KCTD1: variants seen among roughly 807,000 people sequenced by gnomAD.
KCTD1 encodes BTB/POZ domain-containing protein KCTD1.
KCTD1 carries 24 observed loss-of-function variants against 66.0 expected under a neutral mutation model. The ratio of observed to expected loss-of-function variants is 0.36; its 90% CI spans 0.26 to 0.51. KCTD1 has a LOEUF of 0.51. Among genes scored for constraint, KCTD1 ranks in the 20% least tolerant of loss-of-function variants. The probability of loss-of-function intolerance (pLI) is 0.95; values close to 1 mark genes in which losing one functional copy is unlikely to be tolerated. For missense variants in KCTD1, 943 were observed against 1,205.2 expected, an observed-to-expected ratio of 0.78 and a Z score of 3.22; for synonymous variants, 511 against 517.2, an observed-to-expected ratio of 0.99 and a Z score of 0.16.
chr18:26,486,498 C>T (rs936061970), intron 2 of KCTD1, among the ~76,000 whole-genome samples: 3 of 152,178 alleles, frequency 2.0e-5, no homozygotes, highest in African/African-American at 7.2e-5. Context: ...CCCAATGAAC[C>T]TAATCTGTGT....
chr18:26,590,570 A>G (rs1468783333), intron 1 of KCTD1, among the ~76,000 whole-genome samples: 2 of 152,154 alleles, frequency 1.3e-5, no homozygotes, highest in African/African-American at 4.8e-5. Context: ...CTTCTCTTAG[A>G]AAATATAAAC....
At chr18:26,656,343 A>G (rs1481335722) in intron 1 of KCTD1, among the ~76,000 whole-genome samples, 1 of 152,176 alleles carries the variant, frequency 6.6e-6, no homozygotes, top group East Asian at 1.9e-4. Flanking sequence ...CCGCCTCCCA[A>G]GGAGACTTCT....
chr18:26,490,906 C>T (rs1982164796), intron 2 of KCTD1, among the ~76,000 whole-genome samples: 1 of 151,984 alleles, frequency 6.6e-6, no homozygotes, highest in Non-Finnish European at 1.5e-5. Context: ...GTGCATGCTA[C>T]CATGCCCAGC....
chr18:26,543,274 C>G (rs751010065), intron 1 of KCTD1: 2 of 152,170 alleles, frequency 1.3e-5, no homozygotes, highest in African/African-American at 4.8e-5. Flanking sequence ...CTTTAAAAGG[C>G]AGTTAATCTT....
intron 2 of KCTD1, among the ~76,000 whole-genome samples, chr18:26,488,185 C>A (rs941621860): frequency 6.7e-6 from 1 of 149,346 alleles, no homozygotes; most frequent in Admixed American, 6.8e-5. Context: ...AATGGAACTT[C>A]ATTTTTTTTT....
At chr18:26,462,052 G>T (rs1980463299) in intron 3 of KCTD1, among the ~76,000 whole-genome samples, 1 of 152,222 alleles carries the variant, frequency 6.6e-6, no homozygotes, top group African/African-American at 2.4e-5. Context: ...CTTGGGGTTA[G>T]AAGTCCTCCC....
chr18:26,642,338 C>A (rs1987848889), upstream of KCTD1, among the ~76,000 whole-genome samples: 2 of 152,138 alleles, frequency 1.3e-5, no homozygotes, highest in South Asian at 4.1e-4. Context: ...TTGTCCCCTC[C>A]CAGAAATCGG....
At chr18:26,565,642 C>T (rs545230345) in intron 1 of KCTD1, 1 of 152,110 alleles carries the variant, frequency 6.6e-6, no homozygotes, top group African/African-American at 2.4e-5. Flanking sequence ...CTTTAATTTG[C>T]TGCTTGATGC....
intron 1 of KCTD1, among the ~76,000 whole-genome samples, chr18:26,514,384 C>A (rs1983525182): frequency 6.6e-6 from 1 of 151,922 alleles, no homozygotes; most frequent in African/African-American, 2.4e-5. Flanking sequence ...GAGACCCTGT[C>A]TCTAAAAAGA....
At chr18:26,519,095 T>C (rs1983797486) in intron 1 of KCTD1, among the ~76,000 whole-genome samples, 1 of 152,244 alleles carries the variant, frequency 6.6e-6, no homozygotes, top group African/African-American at 2.4e-5. Context: ...TCAAAGCTTT[T>C]TAAATACAAA....
chr18:26,465,312 G>A (rs1460932082), intron 3 of KCTD1, among the ~76,000 whole-genome samples: 2 of 152,132 alleles, frequency 1.3e-5, no homozygotes, highest in African/African-American at 2.4e-5. Flanking sequence ...TTGAACTCCC[G>A]ACCTCAGGTG....
intron 1 of KCTD1, among the ~76,000 whole-genome samples, chr18:26,564,579 G>A (rs948372424): frequency 6.6e-6 from 1 of 152,110 alleles, no homozygotes; most frequent in African/African-American, 2.4e-5. Flanking sequence ...GCTGCCGTGT[G>A]TGTATGTGTG....
intron 1 of KCTD1, among the ~76,000 whole-genome samples, chr18:26,528,300 G>A (rs1224663326): frequency 6.6e-6 from 1 of 152,142 alleles, no homozygotes; most frequent in Non-Finnish European, 1.5e-5. Flanking sequence ...CCCATGTGAG[G>A]AGGATGGTCC....
At chr18:26,565,253 T>G (rs1317018371) in intron 1 of KCTD1, among the ~76,000 whole-genome samples, 1 of 152,242 alleles carries the variant, frequency 6.6e-6, no homozygotes, top group Non-Finnish European at 1.5e-5. Context: ...TGCAAACAAT[T>G]GAATTCTTTC....
rs140795522 is a variant in KCTD1, at chr18:26,564,131, A to T, written c.-15-62881T>A. ...GTGAATTTACATGCCTGTATCACCCATTTGGCTGTAAGCTCCGTGTATCCA... is the reference window on the plus strand; with the variant it reads ...GTGAATTTACATGCCTGTATCACCCTTTTGGCTGTAAGCTCCGTGTATCCA... On this transcript the variant is annotated intron_variant, in intron 1 of 4. Transcript: ENST00000317932. Among the ~76,000 whole-genome samples, 181 of 151,920 alleles carry T rather than the reference A, an allele frequency of 1.2e-3. 1 individual carries two copies. The highest frequency in any genetic ancestry group is 4.1e-3 in the African/African-American group (171 of 41,398).
upstream of KCTD1, chr18:26,548,608 T>G (rs1416428547): frequency 1.7e-6 from 2 of 1,185,960 alleles, no homozygotes; most frequent in African/African-American, 1.6e-5. Context: ...AGAGCTTTTG[T>G]GTTTAATGAC....
chr18:26,650,812 A>G lies in KCTD1; in HGVS notation c.9+6548T>C, dbSNP rs114302477. 4.6e-3 allele frequency among the ~76,000 whole-genome samples: 704 copies of G among 152,362 alleles called. 7 individuals carry two copies. Among genetic ancestry groups the G allele is most frequent in the African/African-American group, 0.016 (678 of 41,582 alleles). On this transcript the variant is annotated intron_variant, in intron 1 of 4. Coordinates refer to the KCTD1 transcript ENST00000580191. Reference sequence around the variant, plus strand: ...AAAGTGCTACAAAAACAAGTCAGTGATGATAGCAGTAGATGCTTTGGAAAG... The same window carrying G: ...AAAGTGCTACAAAAACAAGTCAGTGGTGATAGCAGTAGATGCTTTGGAAAG...
At chr18:26,642,432 A>G (rs1316835754), upstream of KCTD1, among the ~76,000 whole-genome samples, 1 of 152,182 alleles carries the variant, frequency 6.6e-6, no homozygotes, top group Non-Finnish European at 1.5e-5. Context: ...AGAGAATACA[A>G]AAGTTTAGCA....
chr18:26,625,096 T>G (rs525424), intron 1 of KCTD1, among the ~76,000 whole-genome samples: 2 of 152,210 alleles, frequency 1.3e-5, no homozygotes, highest in East Asian at 1.9e-4. Context: ...GCCTGTACCC[T>G]CATTGTATCT....
Sources: gnomAD v4.1 joint callset for allele counts (sites outside exome capture counted in the v4.1 genomes callset) on GRCh38, gnomAD v4.1.1 for gene constraint, MANE v1.5 for transcripts, NCBI Gene and HGNC (gene_info 2026-07-23, HGNC 2026-07-21) for gene names.